Variants in TIAM1 observed in about 807,000 individuals in gnomAD.
TIAM1 encodes rho guanine nucleotide exchange factor TIAM1.
TIAM1 carries 65 observed loss-of-function variants against 163.5 expected under a neutral mutation model. That is an observed-to-expected ratio of 0.40 (90% CI 0.33 to 0.49). TIAM1 has a LOEUF of 0.49. Among genes scored for constraint, TIAM1 ranks in the 20% least tolerant of loss-of-function variants. The pLI, the probability that TIAM1 is intolerant of heterozygous loss-of-function variation, is 0.77. For missense variants in TIAM1, 1,789 were observed against 2,044.7 expected, an observed-to-expected ratio of 0.87 and a Z score of 2.41; for synonymous variants, 833 against 810.1, an observed-to-expected ratio of 1.03 and a Z score of -0.48.
intron 2 of TIAM1, among the ~76,000 whole-genome samples, chr21:31,389,365 C>T (rs1417866891): frequency 6.6e-6 from 1 of 152,164 alleles, no homozygotes; most frequent in Non-Finnish European, 1.5e-5. Flanking sequence ...CCTTCCACCA[C>T]ACCCAGCTAA....
At chr21:31,152,930 A>C (rs1187970803) in intron 18 of TIAM1, 136 bp downstream of exon 18, 7 of 1,260,964 alleles carry the variant, frequency 5.6e-6, no homozygotes, top group East Asian at 4.7e-5. Context: ...AAAGCTTAGC[A>C]GGCAATAATT....
intron 2 of TIAM1, among the ~76,000 whole-genome samples, chr21:31,437,224 C>G (rs969574954): frequency 6.6e-6 from 1 of 152,112 alleles, no homozygotes; most frequent in African/African-American, 2.4e-5. Context: ...CTTAAACATA[C>G]TCCCATGTCA....
At chr21:31,168,415 T>G (rs571210714) in intron 15 of TIAM1, among the ~76,000 whole-genome samples, 23 of 151,930 alleles carry the variant, frequency 1.5e-4, no homozygotes, top group African/African-American at 5.6e-4. Flanking sequence ...TCTTTTTCTT[T>G]TTTGAGATGG....
In TIAM1 at chr21:31,223,465, G is replaced by T; in HGVS notation, c.1936C>A (p.Pro646Thr). The change falls in exon 8 of 28, where the codon CCA becomes ACA. Residue 646 changes from proline to threonine, a missense_variant. Pro to Thr is a conservative substitution (Grantham distance 38). Around this residue, in one of 5 missense-constraint regions of TIAM1, gnomAD observed 456 missense variants for 586.6 expected, o/e 0.78. Coordinates refer to ENST00000541036, the MANE Select transcript of TIAM1 (RefSeq NM_001353694.2). ...AGGCGGCCCATGGCCACTTTCGTTG[G>T]TCGACTTGCAAAAGCGAGAAGCCTT... ...PKRLLAFASR[P>T]TKVAMGRLGI... 1 of 1,614,034 alleles carries T rather than the reference G, an allele frequency of 6.2e-7. No individual in the cohort carries two copies. The highest frequency in any genetic ancestry group is 8.5e-7 in the Non-Finnish European group (1 of 1,179,948).
intron 2 of TIAM1, among the ~76,000 whole-genome samples, chr21:31,353,829 A>ATTTTTTTTTTTTTTTTTTTTTTTTTTTTT: frequency 1.5e-5 from 1 of 67,228 alleles, no homozygotes; most frequent in Non-Finnish European, 3.1e-5. Context: ...TTATTTATTT[A>ATTTTTTTTTTTTTTTTTTTTTTTTTTTTT]TTTATCTTTT....
intron 16 of TIAM1, among the ~76,000 whole-genome samples, chr21:31,162,421 A>G (rs1225719493): frequency 3.3e-5 from 5 of 152,178 alleles, no homozygotes; most frequent in Non-Finnish European, 7.3e-5. Context: ...AATTTAATTG[A>G]CCAAAGGTTA....
rs777165650 is a variant in TIAM1 at position 31,195,352 on chromosome 21, CTT to C, written c.2494-49_2494-48del. ...CTAATTAGAATTTCATTATAACTAA[CTT>C]TTAAAAATGGTCATCATTTCATAAA... On this transcript the variant is annotated intron_variant, in intron 12 of 27. Transcript: ENST00000541036. The C allele has an allele frequency of 7.0e-5, 95 of 1,364,554 alleles. No homozygotes were observed. In the African/African-American group the frequency reaches 1.0e-3, roughly 14 times the overall value. 84.5% of individuals were successfully genotyped at this position (1,364,554 alleles called of 1,614,324 possible). A position where few individuals can be genotyped will look rare whatever the true frequency, so the allele number is the denominator to read the frequency against.
rs1839830937 is a variant in TIAM1, at chr21:31,118,550, C to CTTA, written c.*1815_*1817dup. On this transcript the variant is annotated 3_prime_UTR_variant, in exon 28 of 28. Coordinates refer to ENST00000541036, the MANE Select transcript of TIAM1 (RefSeq NM_001353694.2). ...ACTTTTGACATAGACACGTCATGAC[C>CTTA]TTATGTACAAGAGACAATGGCACCC... 2.1e-6 allele frequency: 1 copy of CTTA among 471,044 alleles called. No homozygotes were observed. The highest frequency in any genetic ancestry group is 2.0e-5 in the African/African-American group (1 of 50,004). The allele number at this position is 471,044 out of a possible 1,614,324, so 29.2% of individuals were successfully genotyped here. A position where few individuals can be genotyped will look rare whatever the true frequency, so the allele number is the denominator to read the frequency against.
intron 16 of TIAM1, among the ~76,000 whole-genome samples, chr21:31,163,921 A>G (rs898990179): frequency 1.3e-5 from 2 of 152,238 alleles, no homozygotes; most frequent in Non-Finnish European, 2.9e-5. Context: ...AACATTATAG[A>G]AAAAGATGAA....
intron 16 of TIAM1, chr21:31,160,523 T>C (rs1179903505): frequency 7.5e-6 from 3 of 398,560 alleles, no homozygotes; most frequent in South Asian, 1.3e-4. Flanking sequence ...TTTTCCACAG[T>C]GCAGACATCA....
intron 12 of TIAM1, among the ~76,000 whole-genome samples, chr21:31,200,162 A>G (rs929624430): frequency 2.0e-5 from 3 of 152,234 alleles, no homozygotes; most frequent in African/African-American, 7.2e-5. Context: ...CAGGCATACA[A>G]ATGCTAAATA....
intron 2 of TIAM1, among the ~76,000 whole-genome samples, chr21:31,367,515 T>G (rs144314177): frequency 4.9e-4 from 74 of 152,328 alleles, no homozygotes; most frequent in African/African-American, 1.4e-3. Context: ...CAACTGAACT[T>G]GAATACCTTG....
chr21:31,419,834 T>G (rs1464286123), intron 2 of TIAM1, among the ~76,000 whole-genome samples: 1 of 152,176 alleles, frequency 6.6e-6, no homozygotes, highest in Non-Finnish European at 1.5e-5. Flanking sequence ...GTGGATCACC[T>G]GAGGTCAGGA....
At chr21:31,258,792 C>T (rs1016103449) in intron 4 of TIAM1, among the ~76,000 whole-genome samples, 8 of 145,622 alleles carry the variant, frequency 5.5e-5, no homozygotes, top group South Asian at 2.3e-4. Context: ...TCCAGCCTGG[C>T]GACAGAGTGA....
chr21:31,252,787 C>A lies in TIAM1; in HGVS notation c.964-598G>T, dbSNP rs139799621. On this transcript the variant is annotated intron_variant, in intron 4 of 27. Coordinates refer to ENST00000541036, the MANE Select transcript of TIAM1 (RefSeq NM_001353694.2). Reference sequence around the variant, plus strand: ...CCGTGTTCCAGGAGCAGGCAAGAATCCTCATCCTCTAATCAGATTCGCTTC... The same window carrying A: ...CCGTGTTCCAGGAGCAGGCAAGAATACTCATCCTCTAATCAGATTCGCTTC... 7.3e-4 allele frequency among the ~76,000 whole-genome samples: 111 copies of A among 152,354 alleles called. 3 individuals carry two copies. In the East Asian group the frequency reaches 0.02, roughly 28 times the overall value.
chr21:31,301,239 G>C (rs2074486455), intron 2 of TIAM1, among the ~76,000 whole-genome samples: 1 of 152,196 alleles, frequency 6.6e-6, no homozygotes, highest in Admixed American at 6.5e-5. Flanking sequence ...ACAAGGCCAG[G>C]AAGCCAGTGG....
chr21:31,467,846 G>A (rs1036957470), intron 1 of TIAM1, among the ~76,000 whole-genome samples: 3 of 151,820 alleles, frequency 2.0e-5, no homozygotes, highest in Non-Finnish European at 4.4e-5. Flanking sequence ...CACTTTAGGA[G>A]GCCAAGGCAG....
intron 2 of TIAM1, among the ~76,000 whole-genome samples, chr21:31,429,210 G>A (rs952547813): frequency 2.6e-5 from 4 of 152,050 alleles, no homozygotes; most frequent in East Asian, 2.0e-4. Context: ...TTATGTTGCC[G>A]AGCCTGGTCT....
chr21:31,338,687 C>T (rs1328866542), intron 2 of TIAM1, among the ~76,000 whole-genome samples: 4 of 152,254 alleles, frequency 2.6e-5, no homozygotes, highest in Admixed American at 6.5e-5. Context: ...GAGTTAACTG[C>T]GAACGTTGCA....
Sources: allele counts gnomAD v4.1 joint callset (sites outside exome capture counted in the v4.1 genomes callset), GRCh38; gene constraint gnomAD v4.1.1; regional missense constraint gnomAD v4.1.1; transcripts MANE v1.5; gene names NCBI Gene and HGNC (gene_info 2026-07-23, HGNC 2026-07-21).